RAB8B: variants seen among roughly 807,000 people sequenced by gnomAD.
RAB8B encodes the protein RAB8B, member RAS oncogene family.
Under a neutral mutation model 32.0 loss-of-function variants are expected in RAB8B, and 11 were observed. The observed-to-expected ratio is 0.34, with a 90% CI of 0.22 to 0.57. RAB8B has a LOEUF of 0.57. RAB8B is among the 20% of genes least tolerant of loss of function. The pLI, the probability that RAB8B is intolerant of heterozygous loss-of-function variation, is 0.86. For missense variants in RAB8B, 190 were observed against 258.5 expected (o/e 0.73, Z 1.82); for synonymous variants, 103 against 89.6 (o/e 1.15, Z -0.85).
chr15:63,205,866 G>C (rs2037694065), intron 1 of RAB8B, among the ~76,000 whole-genome samples: 1 of 152,196 alleles, frequency 6.6e-6, no homozygotes, highest in African/African-American at 2.4e-5. Context: ...ATACAGATTT[G>C]TGATGGGGAG....
At chr15:63,200,648 C>G (rs76588863) in intron 1 of RAB8B, among the ~76,000 whole-genome samples, 1 of 75,676 alleles carries the variant, frequency 1.3e-5, no homozygotes, top group South Asian at 3.8e-4. Context: ...CATGACAAGA[C>G]AAAAAAAAAA....
At chr15:63,231,564 A>G (rs775250219) in intron 1 of RAB8B, among the ~76,000 whole-genome samples, 10 of 151,988 alleles carry the variant, frequency 6.6e-5, no homozygotes, top group Non-Finnish European at 1.3e-4. Context: ...TAAATGAAAC[A>G]GATCTGACTC....
intron 1 of RAB8B, among the ~76,000 whole-genome samples, chr15:63,201,375 A>T (rs2037648758): frequency 6.6e-6 from 1 of 152,182 alleles, no homozygotes; most frequent in Admixed American, 6.5e-5. Context: ...GAAGAGAGTA[A>T]GGAAGGGAGG....
chr15:63,233,055 C>CTTTTTTTTTTTTTTTTTTTTTTTTTT (rs752891283), intron 1 of RAB8B, among the ~76,000 whole-genome samples: 1 of 141,516 alleles, frequency 7.1e-6, no homozygotes. Flanking sequence ...AAGTAGCATT[C>CTTTTTTTTTTTTTTTTTTTTTTTTTT]TTTTTTTTTT....
chr15:63,198,684 ATTATT>A (rs2037623221), intron 1 of RAB8B, among the ~76,000 whole-genome samples: 1 of 152,318 alleles, frequency 6.6e-6, no homozygotes, highest in African/African-American at 2.4e-5. Context: ...CTTGGCGGTA[ATTATT>A]TTAATAAATC....
Position 63,228,781 on chromosome 15 carries a change from G to A in RAB8B, c.125-15975G>A, listed in dbSNP as rs577590069. The stretch of plus-strand genomic sequence containing the variant: ...TATACTAAATGCTAAGATTTTGCAA[G>A]GGCAGCCCCTAAAAGCTTCTTTAAT... On this transcript the variant is annotated intron_variant, in intron 1 of 7. Transcript: ENST00000321437. 2.0e-5 allele frequency among the ~76,000 whole-genome samples: 3 copies of A among 152,278 alleles called. No individual in the cohort carries two copies. The East Asian group carries it at 5.8e-4, about 29-fold the overall frequency.
Position 63,221,060 on chromosome 15 carries a change from G to A in RAB8B, c.125-23696G>A, listed in dbSNP as rs1372790034. Among the ~76,000 whole-genome samples the A allele has an allele frequency of 3.3e-5, 5 of 152,230 alleles. No homozygotes were observed. In the East Asian group the frequency reaches 7.7e-4, roughly 23 times the overall value. ...AGTTGGCTGGAATAACTGGAGGACA[G>A]AGGAGGTAGAGTTTCTGAATCTTGA... On this transcript the variant is annotated intron_variant, in intron 1 of 7. Transcript: ENST00000321437.
chr15:63,264,145 A>T lies in RAB8B; in HGVS notation c.*526A>T, dbSNP rs537305084. 6.6e-6 allele frequency: 1 copy of T among 152,380 alleles called. No homozygotes were observed. The highest frequency in any genetic ancestry group is 2.4e-5 in the African/African-American group (1 of 41,588). The allele number at this position is 152,380 out of a possible 1,614,324, so 9.4% of individuals were successfully genotyped here. ...TTCTTAAATAAGAATCATTAAAGTC[A>T]TTAAAAAAATTTACTGAAATGCCCA... On this transcript the variant is annotated 3_prime_UTR_variant, in exon 8 of 8. Coordinates refer to ENST00000321437, the MANE Select transcript of RAB8B (RefSeq NM_016530.3).
chr15:63,193,389 T>A (rs2037574418), intron 1 of RAB8B, among the ~76,000 whole-genome samples: 2 of 152,252 alleles, frequency 1.3e-5, no homozygotes, highest in Admixed American at 1.3e-4. Flanking sequence ...TTTAGTTAAC[T>A]GTGAGGAAAG....
At chr15:63,221,488 G>A (rs905458759) in intron 1 of RAB8B, among the ~76,000 whole-genome samples, 1 of 152,160 alleles carries the variant, frequency 6.6e-6, no homozygotes, top group African/African-American at 2.4e-5. Flanking sequence ...TTAGGGCTTG[G>A]CAACATCGCT....
At chr15:63,240,929 T>A (rs377317886) in intron 1 of RAB8B, among the ~76,000 whole-genome samples, 8 of 152,166 alleles carry the variant, frequency 5.3e-5, no homozygotes, top group African/African-American at 1.9e-4. Flanking sequence ...AAGTTGCCCA[T>A]GACTTCTAAT....
intron 1 of RAB8B, among the ~76,000 whole-genome samples, chr15:63,207,982 C>T (rs2037713190): frequency 6.6e-6 from 1 of 152,192 alleles, no homozygotes; most frequent in Non-Finnish European, 1.5e-5. Flanking sequence ...TTCTAAGTGA[C>T]CCGAGCACTT....
At position 63,259,643 on chromosome 15, in the gene RAB8B, G is replaced by A. The variant is rs1287013557; in HGVS notation, c.431G>A (p.Gly144Glu). 3 of 1,613,444 alleles carry A rather than the reference G, an allele frequency of 1.9e-6. No homozygotes were observed. Among genetic ancestry groups the A allele is most frequent in the Non-Finnish European group, 2.5e-6 (3 of 1,179,574 alleles). Residue 144 changes from glycine to glutamate, a missense_variant, in exon 6 of 8, where the codon GGG becomes GAG. Around this residue, in one of 2 missense-constraint regions of RAB8B, gnomAD observed 110 missense variants for 115.9 expected, o/e 0.95. Coordinates refer to ENST00000321437, the MANE Select transcript of RAB8B (RefSeq NM_016530.3). The surrounding 1 kb of genome is among the most constrained non-coding windows in gnomAD (Gnocchi z 4.4). ...ACTTTTCAGCTAGCAATTGACTATGGGATTAAATTCTTGGAGACAAGCGCA... is the reference window on the plus strand; with the variant it reads ...ACTTTTCAGCTAGCAATTGACTATGAGATTAAATTCTTGGAGACAAGCGCA... ...ERGEKLAIDY[G>E]IKFLETSAKS...
intron 1 of RAB8B, among the ~76,000 whole-genome samples, chr15:63,201,754 A>C (rs2037652685): frequency 6.6e-6 from 1 of 152,172 alleles, no homozygotes; most frequent in Non-Finnish European, 1.5e-5. Context: ...TCCTTGTTGT[A>C]GACAAGGAAT....
chr15:63,257,631 C>G (rs944551238), intron 5 of RAB8B, among the ~76,000 whole-genome samples: 1 of 152,072 alleles, frequency 6.6e-6, no homozygotes, highest in African/African-American at 2.4e-5. Context: ...AAAACATTTA[C>G]TTAATTTTAG....
chr15:63,232,503 CA>C (rs1476834380), intron 1 of RAB8B, among the ~76,000 whole-genome samples: 1 of 152,058 alleles, frequency 6.6e-6, no homozygotes, highest in East Asian at 1.9e-4. Context: ...TGAAGAATGC[CA>C]AGAATTGAAT....
At chr15:63,262,079 C>T (rs2038207502) in intron 6 of RAB8B, among the ~76,000 whole-genome samples, 2 of 152,020 alleles carry the variant, frequency 1.3e-5, no homozygotes, top group East Asian at 3.9e-4. Flanking sequence ...AAAGAAAAAG[C>T]CAGAAATAAA....
intron 1 of RAB8B, among the ~76,000 whole-genome samples, chr15:63,205,104 C>G (rs375198377): frequency 5.3e-5 from 8 of 152,254 alleles, no homozygotes; most frequent in African/African-American, 1.9e-4. Context: ...TTGAGACCAG[C>G]CTGGTCAACA....
At chr15:63,245,157 C>T (rs1282343093) in intron 2 of RAB8B, among the ~76,000 whole-genome samples, 3 of 152,202 alleles carry the variant, frequency 2.0e-5, no homozygotes, top group Admixed American at 6.5e-5. Flanking sequence ...AGAGTAGTCA[C>T]GTCGCAGGAA....
Sources: gnomAD v4.1 joint callset for allele counts (sites outside exome capture counted in the v4.1 genomes callset) on GRCh38, gnomAD v4.1.1 for gene constraint, gnomAD v4.1.1 regional missense constraint, Gnocchi (gnomAD v3.1) non-coding constraint, MANE v1.5 for transcripts, NCBI Gene and HGNC (gene_info 2026-07-23, HGNC 2026-07-21) for gene names.